EPB41L2: variants seen among roughly 807,000 people sequenced by gnomAD.
EPB41L2 encodes the protein erythrocyte membrane protein band 4.1 like 2.
A neutral mutation model predicts 113.0 loss-of-function variants in EPB41L2; 43 were observed. The ratio of observed to expected loss-of-function variants is 0.38; its 90% CI spans 0.30 to 0.49. The LOEUF is 0.49. EPB41L2 is among the 20% of genes least tolerant of loss of function. The pLI, the probability that EPB41L2 is intolerant of heterozygous loss-of-function variation, is 0.95. For synonymous variants in EPB41L2, 442 were observed against 436.7 expected, an observed-to-expected ratio of 1.01 and a Z score of -0.15; for missense variants, 1,147 against 1,223.4, an observed-to-expected ratio of 0.94 and a Z score of 0.93.
At chr6:130,940,350 C>G (rs937867972) in intron 3 of EPB41L2, among the ~76,000 whole-genome samples, 1 of 152,062 alleles carries the variant, frequency 6.6e-6, no homozygotes, top group African/African-American at 2.4e-5. Flanking sequence ...TATATTAAAA[C>G]CTTTTCTTTC....
intron 19 of EPB41L2, among the ~76,000 whole-genome samples, chr6:130,854,121 T>C (rs970286833): frequency 2.0e-5 from 3 of 152,208 alleles, no homozygotes; most frequent in Admixed American, 6.5e-5. Flanking sequence ...AAATTTATGA[T>C]AGTTCAAGTC....
intron 1 of EPB41L2, among the ~76,000 whole-genome samples, chr6:130,982,105 T>TAA (rs35801276): frequency 1.9e-4 from 25 of 133,470 alleles, no homozygotes; most frequent in African/African-American, 5.5e-4. Flanking sequence ...AGCTAAGAAT[T>TAA]AAAAAAAAAA....
chr6:130,901,977 G>A lies in EPB41L2; in HGVS notation c.930-797C>T, dbSNP rs17059789. On this transcript the variant is annotated intron_variant, in intron 6 of 19. Transcript: ENST00000337057. ...TCACTACGGTTATAAAAGAATTTCCGTTTTCCATGAAATAAAATGCAGAAA... is the reference window on the plus strand; with the variant it reads ...TCACTACGGTTATAAAAGAATTTCCATTTTCCATGAAATAAAATGCAGAAA... 9.6e-3 allele frequency among the ~76,000 whole-genome samples: 1,468 copies of A among 152,258 alleles called. 78 individuals are homozygous for A. In the East Asian group the frequency reaches 0.15, roughly 16 times the overall value.
At chr6:130,983,519 CTTT>C (rs56940825) in intron 1 of EPB41L2, among the ~76,000 whole-genome samples, 3 of 137,308 alleles carry the variant, frequency 2.2e-5, no homozygotes, top group Admixed American at 7.3e-5. Context: ...CTACTATAGA[CTTT>C]TTTTTTTTTT....
intron 3 of EPB41L2, 73 bp downstream of exon 3, chr6:130,955,030 AAC>A: frequency 7.3e-7 from 1 of 1,370,946 alleles, no homozygotes; most frequent in East Asian, 2.3e-5. Flanking sequence ...AACTTAATAA[AAC>A]ACAAAAATCT....
At chr6:130,917,501 G>T (rs546851070) in intron 4 of EPB41L2, among the ~76,000 whole-genome samples, 3 of 152,172 alleles carry the variant, frequency 2.0e-5, no homozygotes, top group East Asian at 3.9e-4. Flanking sequence ...CCTTCAACAA[G>T]AATCCTGTTA....
chr6:130,914,145 A>G (rs1038307351), intron 4 of EPB41L2, among the ~76,000 whole-genome samples: 1 of 152,238 alleles, frequency 6.6e-6, no homozygotes, highest in Non-Finnish European at 1.5e-5. Context: ...AATGGGGATC[A>G]CAACATCTAC....
intron 1 of EPB41L2, among the ~76,000 whole-genome samples, chr6:130,989,140 C>T (rs1372293983): frequency 6.6e-6 from 1 of 152,106 alleles, no homozygotes; most frequent in Non-Finnish European, 1.5e-5. Flanking sequence ...AATATCAGAT[C>T]ATTCATTGAA....
intron 1 of EPB41L2, among the ~76,000 whole-genome samples, chr6:130,993,784 C>T (rs754990423): frequency 5.9e-5 from 9 of 152,128 alleles, no homozygotes; most frequent in African/African-American, 1.9e-4. Context: ...TCATTCCTAT[C>T]TATTTGGTTA....
intron 4 of EPB41L2, among the ~76,000 whole-genome samples, chr6:130,924,091 C>T (rs1439027637): frequency 2.0e-5 from 3 of 152,118 alleles, no homozygotes; most frequent in Admixed American, 1.3e-4. Context: ...CTTTTAGTGA[C>T]TGCTTTAACT....
At chr6:130,875,753 CT>C (rs1787334514) in intron 14 of EPB41L2, among the ~76,000 whole-genome samples, 1 of 152,082 alleles carries the variant, frequency 6.6e-6, no homozygotes, top group South Asian at 2.1e-4. Context: ...AATCCTAGCA[CT>C]TTGGGAGACC....
At chr6:130,926,499 T>C (rs1490118389) in intron 4 of EPB41L2, 106 bp downstream of exon 4, 2 of 822,420 alleles carry the variant, frequency 2.4e-6, no homozygotes, top group Non-Finnish European at 3.9e-6. Flanking sequence ...GAAGTCATAA[T>C]AAACACCTAA....
At chr6:130,872,118 G>A (rs61366454) in intron 14 of EPB41L2, among the ~76,000 whole-genome samples, 3,878 of 152,172 alleles carry the variant, frequency 0.025, 169 homozygotes, top group African/African-American at 0.089. Flanking sequence ...CCAGACTCTG[G>A]AACTTAATGA....
chr6:130,970,474 G>C (rs1285729172), intron 1 of EPB41L2: 1 of 152,180 alleles, frequency 6.6e-6, no homozygotes, highest in Non-Finnish European at 1.5e-5. Context: ...TCCTCAGCTA[G>C]AAAATGCACA....
At chr6:130,863,494 G>A in intron 18 of EPB41L2, 144 bp downstream of exon 18, 2 of 579,044 alleles carry the variant, frequency 3.5e-6, no homozygotes, top group Non-Finnish European at 6.1e-6. Flanking sequence ...TATCCAGGCT[G>A]TGTCTTTATG....
At chr6:131,011,379 C>A (rs749091245) in intron 1 of EPB41L2, among the ~76,000 whole-genome samples, 4 of 152,178 alleles carry the variant, frequency 2.6e-5, no homozygotes, top group Non-Finnish European at 5.9e-5. Flanking sequence ...AAATTACAAA[C>A]GGTAGGCCCA....
intron 1 of EPB41L2, among the ~76,000 whole-genome samples, chr6:131,027,160 T>A (rs1349309711): frequency 6.6e-6 from 1 of 152,250 alleles, no homozygotes; most frequent in African/African-American, 2.4e-5. Context: ...AATTATTTGA[T>A]AACTAAATAT....
chr6:130,891,958 C>T (rs1793023221), intron 10 of EPB41L2, among the ~76,000 whole-genome samples: 1 of 152,098 alleles, frequency 6.6e-6, no homozygotes, highest in African/African-American at 2.4e-5. Flanking sequence ...ATGACTGGCC[C>T]TTTGTGTTAG....
intron 1 of EPB41L2, among the ~76,000 whole-genome samples, chr6:130,980,029 G>C (rs924186708): frequency 1.3e-5 from 2 of 152,190 alleles, no homozygotes; most frequent in Non-Finnish European, 2.9e-5. Context: ...AGGAAAACAA[G>C]AAACTACTGA....
Sources: allele counts gnomAD v4.1 joint callset (sites outside exome capture counted in the v4.1 genomes callset), GRCh38; gene constraint gnomAD v4.1.1; transcripts MANE v1.5; gene names NCBI Gene and HGNC (gene_info 2026-07-23, HGNC 2026-07-21).